Variants in WWC1 observed in about 807,000 individuals in gnomAD.
WWC1 encodes WW and C2 domain containing 1, also known as protein KIBRA.
WWC1 carries 55 observed loss-of-function variants against 138.4 expected under a neutral mutation model. The ratio of observed to expected loss-of-function variants is 0.40; its 90% confidence interval spans 0.32 to 0.50. The LOEUF is 0.50. Among genes scored for constraint, WWC1 ranks in the 20% least tolerant of loss-of-function variants. The pLI is 0.72. For synonymous variants in WWC1, 524 were observed against 564.9 expected, an observed-to-expected ratio of 0.93 and a Z score of 1.03; for missense variants, 1,226 against 1,420.4, an observed-to-expected ratio of 0.86 and a Z score of 2.20.
chr5:168,313,907 G>T (rs777469557), intron 1 of WWC1, among the ~76,000 whole-genome samples: 24 of 152,182 alleles, frequency 1.6e-4, no homozygotes, highest in Non-Finnish European at 3.2e-4. Context: ...GATTGAAGCC[G>T]GGTGGGGCGA....
rs190984501 is a variant in WWC1, at chr5:168,448,314, G to A, written c.2525+3729G>A. 1.4e-3 allele frequency among the ~76,000 whole-genome samples: 213 copies of A among 152,120 alleles called. 1 individual carries two copies. The highest frequency in any genetic ancestry group is 3.8e-3 in the African/African-American group (158 of 41,480). ...CTGTTCCAATTTACAGTCCTTCCTC[G>A]GCACCCAAAACCCGGCGTGTCACTG... On this transcript the variant is annotated intron_variant, in intron 17 of 22. Transcript: ENST00000265293.
At chr5:168,466,575 A>G (rs1000391243) in intron 21 of WWC1, among the ~76,000 whole-genome samples, 1 of 152,212 alleles carries the variant, frequency 6.6e-6, no homozygotes, top group African/African-American at 2.4e-5. Flanking sequence ...TGGGAGCTTC[A>G]AACTGACTCT....
chr5:168,437,862 T>C lies in WWC1; in HGVS notation c.2281-3820T>C, dbSNP rs1005995882. ...TTCTGAACTGTAATATCCAAATAGC[T>C]GTCTATCCCCCTAGGAAACCACGAG... On this transcript the variant is annotated intron_variant, in intron 15 of 22. Coordinates refer to ENST00000265293, the MANE Select transcript of WWC1 (RefSeq NM_015238.3). Among the ~76,000 whole-genome samples the C allele has an allele frequency of 1.2e-4, 19 of 152,174 alleles. 1 individual carries two copies. Among genetic ancestry groups the C allele is most frequent in the African/African-American group, 4.6e-4 (19 of 41,438 alleles).
At chr5:168,417,235 G>A (rs908262435) in intron 9 of WWC1, among the ~76,000 whole-genome samples, 1 of 152,126 alleles carries the variant, frequency 6.6e-6, no homozygotes, top group South Asian at 2.1e-4. Flanking sequence ...GTTACAGTTA[G>A]CAAGAACCTA....
chr5:168,375,066 T>C (rs1582080666), intron 2 of WWC1, among the ~76,000 whole-genome samples: 1 of 152,174 alleles, frequency 6.6e-6, no homozygotes, highest in East Asian at 1.9e-4. Flanking sequence ...GTCTATTACC[T>C]ATCTGAGAGG....
intron 2 of WWC1, among the ~76,000 whole-genome samples, chr5:168,376,715 A>G (rs1170479107): frequency 6.6e-6 from 1 of 152,216 alleles, no homozygotes; most frequent in Non-Finnish European, 1.5e-5. Context: ...CTAGGAATAC[A>G]TCTAGCCAAG....
chr5:168,458,912 G>C (rs1325713764), intron 19 of WWC1, among the ~76,000 whole-genome samples: 1 of 152,070 alleles, frequency 6.6e-6, no homozygotes, highest in African/African-American at 2.4e-5. Context: ...ACCCATTTCT[G>C]GTCGGTAGGA....
intron 3 of WWC1, among the ~76,000 whole-genome samples, chr5:168,395,191 C>T (rs1372611599): frequency 3.3e-5 from 5 of 152,232 alleles, no homozygotes; most frequent in African/African-American, 7.2e-5. Flanking sequence ...GACTCTTCCA[C>T]GCTGCTGCCA....
chr5:168,371,658 A>G (rs1776760337), intron 2 of WWC1, 125 bp downstream of exon 2: 2 of 600,268 alleles, frequency 3.3e-6, no homozygotes, highest in South Asian at 2.2e-5. Context: ...TTTGTTTTAT[A>G]TAGATTTAGA....
chr5:168,437,640 A>G (rs901288611), intron 15 of WWC1, among the ~76,000 whole-genome samples: 4 of 152,226 alleles, frequency 2.6e-5, no homozygotes, highest in Non-Finnish European at 4.4e-5. Flanking sequence ...TTGTGTGTTG[A>G]ATAAATGAAT....
chr5:168,391,900 G>A (rs1437207876), intron 3 of WWC1, among the ~76,000 whole-genome samples: 1 of 151,338 alleles, frequency 6.6e-6, no homozygotes, highest in East Asian at 1.9e-4. Context: ...GAGAAAATGG[G>A]CTGATAGTGA....
chr5:168,403,009 T>TCTTTCTTC (rs1561711951), intron 5 of WWC1, among the ~76,000 whole-genome samples: 2 of 36,920 alleles, frequency 5.4e-5, no homozygotes, highest in East Asian at 1.2e-3. Context: ...TGTTTCTTTT[T>TCTTTCTTC]CTTTCTTTCT....
chr5:168,391,760 CATATATATATATATATATATAT>C (rs70976481), intron 3 of WWC1, among the ~76,000 whole-genome samples: 3 of 110,564 alleles, frequency 2.7e-5, no homozygotes, highest in East Asian at 5.6e-4. Context: ...ATTTTTAAGG[CATATATATATATATATATATAT>C]ATATATATAT....
chr5:168,414,291 T>C, intron 8 of WWC1, 57 bp from the exon 9 acceptor site: 4 of 1,587,710 alleles, frequency 2.5e-6, no homozygotes, highest in Non-Finnish European at 3.4e-6. Context: ...TCATGGCATC[T>C]CCTGTTCCCT....
At chr5:168,372,968 TG>T (rs1158415940) in intron 2 of WWC1, among the ~76,000 whole-genome samples, 28 of 152,348 alleles carry the variant, frequency 1.8e-4, no homozygotes, top group East Asian at 5.8e-4. Flanking sequence ...ATGAGTGGAC[TG>T]TTGTTGGCAC....
At chr5:168,334,614 T>A (rs956221779) in intron 1 of WWC1, among the ~76,000 whole-genome samples, 3 of 152,290 alleles carry the variant, frequency 2.0e-5, no homozygotes, top group African/African-American at 7.2e-5. Context: ...GCCCAAATTA[T>A]TTCTGTGTCT....
chr5:168,423,977 T>TCTTTGTGAACTGAGC lies in WWC1; in HGVS notation c.1719_1720insCTTTGTGAACTGAGC (p.Ser573_Ala574insLeuCysGluLeuSer). On this transcript the variant is annotated inframe_insertion, in exon 11 of 23. Coordinates refer to ENST00000265293, the MANE Select transcript of WWC1 (RefSeq NM_015238.3). ...TGGAGTTTGAAGACCCGGAGCTGAG[T>TCTTTGTGAACTGAGC]GCCACTCTTTGTGAACTGAGCCTTG... 1 of 1,613,966 alleles carries TCTTTGTGAACTGAGC rather than the reference T, an allele frequency of 6.2e-7. No homozygotes were observed. Among genetic ancestry groups the TCTTTGTGAACTGAGC allele is most frequent in the Non-Finnish European group, 8.5e-7 (1 of 1,180,002 alleles).
At chr5:168,467,280 G>A (rs539341809) in intron 21 of WWC1, among the ~76,000 whole-genome samples, 2 of 152,208 alleles carry the variant, frequency 1.3e-5, no homozygotes, top group East Asian at 1.9e-4. Flanking sequence ...CAAAAAAAAC[G>A]ATGGCTTTAT....
chr5:168,369,843 C>G (rs544389575), intron 1 of WWC1, among the ~76,000 whole-genome samples: 74 of 150,096 alleles, frequency 4.9e-4, no homozygotes, highest in Admixed American at 1.3e-3. Flanking sequence ...GAGTGTAAGC[C>G]TCTTTTTTTG....
Sources: allele counts gnomAD v4.1 joint callset (sites outside exome capture counted in the v4.1 genomes callset), GRCh38; gene constraint gnomAD v4.1.1; transcripts MANE v1.5; gene names NCBI Gene and HGNC (gene_info 2026-07-23, HGNC 2026-07-21).